Variants in CADM2 observed in about 807,000 individuals in gnomAD.
CADM2 encodes cell adhesion molecule 2.
A neutral mutation model predicts 49.8 loss-of-function variants in CADM2; 12 were observed. The ratio of observed to expected loss-of-function variants is 0.24; its 90% CI spans 0.15 to 0.39. The LOEUF (loss-of-function observed/expected upper bound fraction) is 0.39, where lower values mean the gene tolerates loss of function less well. Ranked by LOEUF, CADM2 falls within the 10% of genes least tolerant of loss-of-function variation. CADM2 has a pLI of 1.00. For missense variants in CADM2, 378 were observed against 492.3 expected (o/e 0.77, Z 2.20); for synonymous variants, 214 against 175.4 (o/e 1.22, Z -1.74).
intron 1 of CADM2, among the ~76,000 whole-genome samples, chr3:85,441,082 C>G (rs1157254233): frequency 6.6e-6 from 1 of 151,946 alleles, no homozygotes. Flanking sequence ...TACATAAACA[C>G]ATAACCATAA....
chr3:85,673,808 G>T (rs1266725189), intron 1 of CADM2, among the ~76,000 whole-genome samples: 1 of 152,108 alleles, frequency 6.6e-6, no homozygotes, highest in Non-Finnish European at 1.5e-5. Context: ...GATATGTTTA[G>T]GGTTTGGGAG....
intron 1 of CADM2, among the ~76,000 whole-genome samples, chr3:85,702,986 G>T (rs1427831463): frequency 6.6e-6 from 1 of 151,982 alleles, no homozygotes; most frequent in Non-Finnish European, 1.5e-5. Flanking sequence ...ATGAAACTAG[G>T]GTGCTCACTG....
chr3:85,177,883 C>G (rs1381898317), intron 1 of CADM2, among the ~76,000 whole-genome samples: 1 of 151,870 alleles, frequency 6.6e-6, no homozygotes, highest in Non-Finnish European at 1.5e-5. Context: ...AATATACACA[C>G]TACAAGAACA....
At chr3:85,818,154 G>A (rs985998290) in intron 3 of CADM2, among the ~76,000 whole-genome samples, 1 of 151,930 alleles carries the variant, frequency 6.6e-6, no homozygotes, top group African/African-American at 2.4e-5. Flanking sequence ...ACTACATTGA[G>A]GGTAACAACG....
chr3:85,816,354 A>G (rs1367543989), intron 3 of CADM2, among the ~76,000 whole-genome samples: 1 of 152,026 alleles, frequency 6.6e-6, no homozygotes, highest in Non-Finnish European at 1.5e-5. Context: ...AGAGAAATAG[A>G]TTGGTTCAGC....
At chr3:85,496,310 CTG>C (rs2107655993) in intron 1 of CADM2, among the ~76,000 whole-genome samples, 1 of 152,226 alleles carries the variant, frequency 6.6e-6, no homozygotes, top group East Asian at 1.9e-4. Context: ...TTTTCTGTTT[CTG>C]TGTTATTTTG....
At chr3:86,008,926 TC>T (rs1456426070) in intron 8 of CADM2, among the ~76,000 whole-genome samples, 1 of 151,596 alleles carries the variant, frequency 6.6e-6, no homozygotes, top group African/African-American at 2.4e-5. Context: ...TTCTTTCTTT[TC>T]CCCAAATGTT....
intron 1 of CADM2, among the ~76,000 whole-genome samples, chr3:85,380,536 T>A (rs1401424121): frequency 6.6e-6 from 1 of 151,962 alleles, no homozygotes; most frequent in Admixed American, 6.6e-5. Context: ...ATTAATATAT[T>A]TTTAAATACA....
At chr3:85,384,732 A>T (rs949766754) in intron 1 of CADM2, among the ~76,000 whole-genome samples, 12 of 151,976 alleles carry the variant, frequency 7.9e-5, no homozygotes, top group Admixed American at 6.6e-4. Flanking sequence ...TAACAATTAT[A>T]TAATTTTCCA....
intron 1 of CADM2, among the ~76,000 whole-genome samples, chr3:85,236,737 T>C (rs2042415797): frequency 6.6e-6 from 1 of 152,090 alleles, no homozygotes; most frequent in Non-Finnish European, 1.5e-5. Flanking sequence ...CACATACGTA[T>C]TAATGGATTT....
chr3:85,229,922 G>T (rs1207993468), intron 1 of CADM2, among the ~76,000 whole-genome samples: 1 of 152,144 alleles, frequency 6.6e-6, no homozygotes, highest in African/African-American at 2.4e-5. Context: ...ACTGATATCT[G>T]TAAGATTACC....
At chr3:85,668,835 G>C (rs2065651991) in intron 1 of CADM2, among the ~76,000 whole-genome samples, 1 of 152,032 alleles carries the variant, frequency 6.6e-6, no homozygotes. Flanking sequence ...ATGACATGTA[G>C]TTTATAAACT....
At chr3:85,724,980 G>T (rs371032079) in intron 1 of CADM2, among the ~76,000 whole-genome samples, 2 of 151,610 alleles carry the variant, frequency 1.3e-5, no homozygotes, top group Admixed American at 6.6e-5. Flanking sequence ...ATATATCAAA[G>T]AACAGATAAT....
chr3:85,390,746 C>T (rs928199950), intron 1 of CADM2, among the ~76,000 whole-genome samples: 4 of 152,030 alleles, frequency 2.6e-5, no homozygotes, highest in African/African-American at 4.8e-5. Flanking sequence ...CTGCCTACTC[C>T]CTCTTTTTCT....
intron 6 of CADM2, among the ~76,000 whole-genome samples, chr3:85,921,894 G>A (rs1190756654): frequency 6.6e-6 from 1 of 151,876 alleles, no homozygotes; most frequent in Non-Finnish European, 1.5e-5. Context: ...CTATAGTTTT[G>A]TGTTTTCTAG....
intron 1 of CADM2, among the ~76,000 whole-genome samples, chr3:85,440,747 C>G (rs1434515751): frequency 1.3e-5 from 2 of 152,054 alleles, no homozygotes; most frequent in African/African-American, 4.8e-5. Context: ...CTTTGGGAGG[C>G]TGAGGCAGGC....
intron 7 of CADM2, among the ~76,000 whole-genome samples, chr3:85,956,409 A>G (rs778676515): frequency 2.0e-5 from 3 of 151,690 alleles, no homozygotes; most frequent in Non-Finnish European, 4.4e-5. Flanking sequence ...GGTGATATTA[A>G]GAAGCTTGAA....
intron 1 of CADM2, among the ~76,000 whole-genome samples, chr3:85,694,769 T>C (rs2066500009): frequency 6.6e-6 from 1 of 152,076 alleles, no homozygotes; most frequent in Non-Finnish European, 1.5e-5. Flanking sequence ...GAGTGCTTAA[T>C]CGTTTCCATA....
intron 1 of CADM2, among the ~76,000 whole-genome samples, chr3:85,692,555 G>T (rs1459099203): frequency 1.3e-5 from 2 of 152,136 alleles, no homozygotes; most frequent in African/African-American, 2.4e-5. Flanking sequence ...TTCAGCCCTT[G>T]AATTTTAATT....
Sources: gnomAD v4.1 joint callset for allele counts (sites outside exome capture counted in the v4.1 genomes callset) on GRCh38, gnomAD v4.1.1 for gene constraint, MANE v1.5 for transcripts, NCBI Gene and HGNC (gene_info 2026-07-23, HGNC 2026-07-21) for gene names.